The following FAF1 variants were observed in gnomAD, a reference collection of about 807,000 sequenced individuals.
FAF1 encodes Fas associated factor 1, also known as FAS-associated factor 1.
A neutral mutation model predicts 92.5 loss-of-function variants in FAF1; 25 were observed. The ratio of observed to expected loss-of-function variants is 0.27; its 90% CI spans 0.20 to 0.38. The LOEUF (loss-of-function observed/expected upper bound fraction) is 0.38. Ranked by LOEUF, FAF1 falls within the 10% of genes least tolerant of loss-of-function variation. The pLI, the probability that FAF1 is intolerant of heterozygous loss-of-function variation, is 1.00. For synonymous variants in FAF1, 234 were observed against 273.2 expected (o/e 0.86, Z 1.42); for missense variants, 636 against 793.3 (o/e 0.80, Z 2.38).
chr1:50,525,888 T>A (rs930396419), intron 15 of FAF1, among the ~76,000 whole-genome samples: 3 of 152,192 alleles, frequency 2.0e-5, no homozygotes, highest in African/African-American at 4.8e-5. Flanking sequence ...CACTCTTTCA[T>A]CTTAATTTGT....
chr1:50,943,893 G>A (rs988131386), intron 1 of FAF1, among the ~76,000 whole-genome samples: 4 of 152,248 alleles, frequency 2.6e-5, no homozygotes, highest in Non-Finnish European at 4.4e-5. Flanking sequence ...GGGTTGTTCA[G>A]AATCACTAGG....
At chr1:50,683,248 C>T (rs1457985830) in intron 7 of FAF1, among the ~76,000 whole-genome samples, 1 of 152,072 alleles carries the variant, frequency 6.6e-6, no homozygotes, top group Non-Finnish European at 1.5e-5. Flanking sequence ...ATACCTCGGC[C>T]GGGTGTGGTG....
At chr1:50,754,635 T>A (rs1462594610) in intron 4 of FAF1, among the ~76,000 whole-genome samples, 3 of 152,214 alleles carry the variant, frequency 2.0e-5, no homozygotes, top group Non-Finnish European at 2.9e-5. Flanking sequence ...ACCATAAGTT[T>A]CCCTCTCAAT....
chr1:50,812,761 T>C (rs950424922), intron 2 of FAF1, among the ~76,000 whole-genome samples: 4 of 152,116 alleles, frequency 2.6e-5, no homozygotes, highest in East Asian at 3.8e-4. Context: ...ACCATAAAGA[T>C]ACATGCGTGT....
At position 50,788,260 on chromosome 1, in the gene FAF1, T is replaced by G. The variant is rs1421946063; in HGVS notation, c.162-55A>C. 8 of 1,441,586 alleles carry G rather than the reference T, an allele frequency of 5.5e-6. No homozygotes were observed. The African/African-American group carries it at 1.1e-4, about 20-fold the overall frequency. The allele number at this position is 1,441,586 out of a possible 1,614,324, so 89.3% of individuals were successfully genotyped here. ...TGTCAACTAAATCATTACAGAATAC[T>G]ACTAGGGACCCTCTCCATACTTGGC... On this transcript the variant is annotated intron_variant, in intron 3 of 18. Transcript: ENST00000396153.
intron 4 of FAF1, among the ~76,000 whole-genome samples, chr1:50,770,258 C>G (rs960273450): frequency 6.6e-6 from 1 of 152,112 alleles, no homozygotes; most frequent in Admixed American, 6.5e-5. Flanking sequence ...CTAGCCAGAG[C>G]AATCAGGCAA....
At chr1:50,878,654 C>T (rs1285911907) in intron 1 of FAF1, among the ~76,000 whole-genome samples, 1 of 152,172 alleles carries the variant, frequency 6.6e-6, no homozygotes, top group Non-Finnish European at 1.5e-5. Flanking sequence ...AAGCAATTTA[C>T]AGTACCTTTT....
chr1:50,803,794 A>G (rs1662089372), intron 2 of FAF1, among the ~76,000 whole-genome samples: 1 of 152,134 alleles, frequency 6.6e-6, no homozygotes, highest in South Asian at 2.1e-4. Flanking sequence ...TAAATAGTTA[A>G]TTTATCTTGG....
chr1:50,727,120 T>C (rs972608907), intron 6 of FAF1, among the ~76,000 whole-genome samples: 2 of 152,250 alleles, frequency 1.3e-5, no homozygotes, highest in Non-Finnish European at 2.9e-5. Context: ...TCAGCTTAAA[T>C]AGTCCATCTT....
chr1:50,442,054 G>C (rs1248206817), intron 18 of FAF1, among the ~76,000 whole-genome samples: 1 of 151,666 alleles, frequency 6.6e-6, no homozygotes, highest in Non-Finnish European at 1.5e-5. Flanking sequence ...AAAAAAACAG[G>C]CAATGTCATA....
intron 2 of FAF1, among the ~76,000 whole-genome samples, chr1:50,830,436 G>C (rs764012842): frequency 1.1e-4 from 16 of 152,190 alleles, no homozygotes; most frequent in Non-Finnish European, 1.8e-4. Flanking sequence ...AAGATACAGA[G>C]ACATTGGGAA....
intron 1 of FAF1, among the ~76,000 whole-genome samples, chr1:50,867,844 G>A (rs112759976): frequency 0.015 from 2,308 of 152,152 alleles, 60 homozygotes; most frequent in African/African-American, 0.052. Context: ...TACCCAGAGG[G>A]AAAGAAGTCA....
At chr1:50,956,375 T>A (rs1645266826) in intron 1 of FAF1, among the ~76,000 whole-genome samples, 1 of 152,130 alleles carries the variant, frequency 6.6e-6, no homozygotes, top group Non-Finnish European at 1.5e-5. Flanking sequence ...CAAAAAAAAA[T>A]ACAAAAATCC....
intron 7 of FAF1, among the ~76,000 whole-genome samples, chr1:50,682,374 G>C (rs577572398): frequency 4.3e-4 from 66 of 152,146 alleles, no homozygotes; most frequent in African/African-American, 1.4e-3. Context: ...GTGGTAGCAC[G>C]CACCTGCAGT....
At chr1:50,835,649 T>A (rs913271786) in intron 2 of FAF1, among the ~76,000 whole-genome samples, 1 of 151,580 alleles carries the variant, frequency 6.6e-6, no homozygotes, top group African/African-American at 2.4e-5. Flanking sequence ...ACTGTAAAAT[T>A]GGAGACACCA....
chr1:50,905,694 C>T (rs1644832070), intron 1 of FAF1, among the ~76,000 whole-genome samples: 2 of 152,202 alleles, frequency 1.3e-5, no homozygotes, highest in African/African-American at 4.8e-5. Flanking sequence ...TGAGAAGTGT[C>T]TGTTAATATC....
intron 6 of FAF1, among the ~76,000 whole-genome samples, chr1:50,709,741 G>GT (rs1420423562): frequency 6.6e-6 from 1 of 152,194 alleles, no homozygotes; most frequent in African/African-American, 2.4e-5. Flanking sequence ...CTGCCTGCTA[G>GT]AAGTTTACCG....
At chr1:50,599,021 A>G (rs1651967962) in intron 8 of FAF1, among the ~76,000 whole-genome samples, 1 of 152,214 alleles carries the variant, frequency 6.6e-6, no homozygotes, top group African/African-American at 2.4e-5. Flanking sequence ...CTACAGGCAC[A>G]GGGTTCTTGA....
At chr1:50,642,707 A>G (rs1252561387) in intron 8 of FAF1, among the ~76,000 whole-genome samples, 1 of 150,350 alleles carries the variant, frequency 6.7e-6, no homozygotes, top group African/African-American at 2.5e-5. Flanking sequence ...CTTGTTTTTT[A>G]AAGTTCATTT....
Sources: gnomAD v4.1 joint callset for allele counts (sites outside exome capture counted in the v4.1 genomes callset) on GRCh38, gnomAD v4.1.1 for gene constraint, MANE v1.5 for transcripts, NCBI Gene and HGNC (gene_info 2026-07-23, HGNC 2026-07-21) for gene names.